Variants in COL4A5 observed in about 807,000 individuals in gnomAD.
The protein encoded by COL4A5 is collagen type IV alpha 5 chain.
In COL4A5, 26 loss-of-function variants were observed where a neutral mutation model predicts 130.2. That is an observed-to-expected ratio of 0.20 (90% CI 0.15 to 0.28). COL4A5 has a LOEUF of 0.28. COL4A5 is among the 10% of genes least tolerant of loss of function. The pLI, the probability that COL4A5 is intolerant of heterozygous loss-of-function variation, is 1.00. For synonymous variants in COL4A5, 496 were observed against 439.6 expected (o/e 1.13, Z -1.60); for missense variants, 1,131 against 1,344.3 (o/e 0.84, Z 2.48).
At chrX:108,642,538 C>T (rs1034395915) in intron 36 of COL4A5, among the ~76,000 whole-genome samples, 1 of 111,014 alleles carries the variant, frequency 9.0e-6, no homozygotes, top group African/African-American at 3.3e-5. Context: ...GGCTGAGAGA[C>T]CATAGACAGT....
intron 28 of COL4A5, among the ~76,000 whole-genome samples, chrX:108,604,888 C>A (rs753008836): frequency 8.9e-6 from 1 of 111,946 alleles, no homozygotes; most frequent in Non-Finnish European, 1.9e-5. Context: ...TTAAACCTCA[C>A]GAACCAGCTT....
intron 35 of COL4A5, 84 bp downstream of exon 35, chrX:108,625,878 G>T: frequency 1.4e-6 from 1 of 701,098 alleles, no homozygotes; most frequent in Non-Finnish European, 2.3e-6. Context: ...AAAGAGGCTG[G>T]TGTTGATAGA....
chrX:108,648,662 G>GA (rs921848849), intron 36 of COL4A5, among the ~76,000 whole-genome samples: 6 of 111,002 alleles, frequency 5.4e-5, no homozygotes, highest in Non-Finnish European at 9.5e-5. Context: ...TATAGATGCA[G>GA]AAAAAAAACA....
At chrX:108,529,911 A>G (rs950921945) in intron 1 of COL4A5, among the ~76,000 whole-genome samples, 1 of 111,754 alleles carries the variant, frequency 8.9e-6, no homozygotes, top group African/African-American at 3.3e-5. Flanking sequence ...AGATTCATAA[A>G]GCAAATATTC....
At position 108,580,808 on chromosome X, in the gene COL4A5, T is replaced by G. The variant is rs1282904210; in HGVS notation, c.891+70T>G. ...TGTGTGTGTGTGTGATTTTATTCTT[T>G]CTTCCTACATCTTCCATTGTTTCAA... is the stretch of plus-strand genomic sequence containing the variant. On this transcript the variant is annotated intron_variant, in intron 15 of 52. Coordinates refer to ENST00000328300, the MANE Select transcript of COL4A5 (RefSeq NM_033380.3). The G allele has an allele frequency of 3.0e-6, 3 of 1,000,737 alleles. No homozygotes were observed. The African/African-American group carries it at 6.3e-5, about 21-fold the overall frequency. The allele number at this position is 1,000,737 out of a possible 1,213,427, so 82.5% of individuals were successfully genotyped here.
At chrX:108,606,359 A>AT (rs1169350634) in intron 28 of COL4A5, among the ~76,000 whole-genome samples, 1 of 111,860 alleles carries the variant, frequency 8.9e-6, no homozygotes, top group Non-Finnish European at 1.9e-5. Context: ...CTCTAAATAA[A>AT]TTGACATTTT....
intron 36 of COL4A5, among the ~76,000 whole-genome samples, chrX:108,632,662 C>G (rs958237543): frequency 9.0e-6 from 1 of 110,936 alleles, no homozygotes; most frequent in African/African-American, 3.3e-5. Context: ...CCCTGGGATG[C>G]AAGGCTGGTT....
intron 4 of COL4A5, among the ~76,000 whole-genome samples, chrX:108,568,273 G>T (rs1406387342): frequency 9.0e-6 from 1 of 110,963 alleles, no homozygotes; most frequent in African/African-American, 3.3e-5. Flanking sequence ...GTCTTCAGTG[G>T]AAATATATTT....
In COL4A5 at chrX:108,595,533, A is replaced by G; in HGVS notation, c.1448A>G (p.Asn483Ser). 4 of 1,211,932 alleles carry G rather than the reference A, an allele frequency of 3.3e-6. No homozygotes were observed. Among genetic ancestry groups the G allele is most frequent in the Non-Finnish European group, 4.5e-6 (4 of 895,474 alleles). ...GGTGACAAAGGTGACACTTGCTTCA[A>G]CTGCATTGGAACTGGTATTTCAGGG... ...VKGDKGDTCF[N>S]CIGTGISGPP... The change falls in exon 22 of 53, where the codon AAC becomes AGC. Residue 483 changes from asparagine (N) to serine (S), a missense_variant. Transcript: ENST00000328300.
rs2147998824 is a variant in COL4A5, at chrX:108,692,934, T to C, written c.4706+9T>C. ...CAGCCATTCATTAGTCGGTAAGGCA[T>C]TGATTTAGCTGTGACTTTTACCAAT... is the stretch of plus-strand genomic sequence containing the variant. On this transcript the variant is annotated intron_variant, in intron 50 of 52. Transcript: ENST00000328300. The C allele has an allele frequency of 8.3e-7, 1 of 1,210,506 alleles. No homozygotes were observed. Among genetic ancestry groups the C allele is most frequent in the Non-Finnish European group, 1.1e-6 (1 of 894,768 alleles).
At chrX:108,447,765 T>TA (rs766556542) in intron 1 of COL4A5, among the ~76,000 whole-genome samples, 4 of 112,045 alleles carry the variant, frequency 3.6e-5, no homozygotes, top group Non-Finnish European at 7.5e-5. Flanking sequence ...TTTACAAATG[T>TA]AATCATTCCA....
chrX:108,516,204 C>T (rs2065219278), intron 1 of COL4A5, among the ~76,000 whole-genome samples: 1 of 112,146 alleles, frequency 8.9e-6, no homozygotes, highest in South Asian at 3.7e-4. Context: ...AACAGGGAGG[C>T]CTATGGCATG....
intron 49 of COL4A5, among the ~76,000 whole-genome samples, chrX:108,688,724 C>A (rs187313925): frequency 6.8e-4 from 76 of 111,662 alleles, no homozygotes; most frequent in Admixed American, 1.9e-3. Flanking sequence ...CGTGAGCCAC[C>A]GCACCTGGCA....
At chrX:108,694,321 T>C in intron 50 of COL4A5, 1 of 136,459 alleles carries the variant, frequency 7.3e-6, no homozygotes, top group Non-Finnish European at 1.5e-5. Flanking sequence ...CTTCTCCAGA[T>C]ATAGTCAAAT....
intron 1 of COL4A5, among the ~76,000 whole-genome samples, chrX:108,526,953 G>A (rs1208186491): frequency 9.4e-6 from 1 of 106,937 alleles, no homozygotes; most frequent in Admixed American, 1.0e-4. Context: ...TTTTTTTGTA[G>A]AGATAGGGAT....
intron 37 of COL4A5, among the ~76,000 whole-genome samples, chrX:108,661,731 C>T (rs1282910879): frequency 9.0e-6 from 1 of 110,776 alleles, no homozygotes; most frequent in African/African-American, 3.3e-5. Context: ...TATTGTTCTA[C>T]CTGGCAGTTC....
intron 43 of COL4A5, 24 bp from the exon 44 acceptor site, chrX:108,677,476 C>T (rs1239594925): frequency 5.0e-6 from 6 of 1,200,647 alleles, no homozygotes; most frequent in Middle Eastern, 2.4e-4. Context: ...ACTGAAATGT[C>T]GTCATTTGCT....
chrX:108,593,386 G>A (rs963010943), intron 21 of COL4A5, among the ~76,000 whole-genome samples: 12 of 111,068 alleles, frequency 1.1e-4, no homozygotes, highest in Non-Finnish European at 2.3e-4. Context: ...ACTATCTTCT[G>A]TTTTGTTAAC....
At chrX:108,565,984 C>CTTT (rs113282994) in intron 4 of COL4A5, among the ~76,000 whole-genome samples, 5 of 86,742 alleles carry the variant, frequency 5.8e-5, no homozygotes, top group Admixed American at 2.5e-4. Context: ...GGCTATTCTT[C>CTTT]TTTTTTTTTT....
Sources: allele counts gnomAD v4.1 joint callset (sites outside exome capture counted in the v4.1 genomes callset), GRCh38; gene constraint gnomAD v4.1.1; transcripts MANE v1.5; gene names NCBI Gene and HGNC (gene_info 2026-07-23, HGNC 2026-07-21).